The following RYR2 variants were observed in gnomAD, a reference collection of about 807,000 sequenced individuals.
RYR2 encodes the protein cardiac muscle ryanodine receptor-calcium release channel.
A neutral mutation model predicts 601.1 loss-of-function variants in RYR2; 227 were observed. That is an observed-to-expected ratio of 0.38 (90% confidence interval 0.34 to 0.42). The LOEUF is 0.42. Ranked by LOEUF, RYR2 falls within the 10% of genes least tolerant of loss-of-function variation. RYR2 has a pLI of 1.00. For synonymous variants in RYR2, 2,223 were observed against 2,175.1 expected (o/e 1.02, Z -0.61); for missense variants, 4,646 against 6,156.5 (o/e 0.75, Z 8.21).
At chr1:237,475,292 T>G (rs1371758182) in intron 17 of RYR2, among the ~76,000 whole-genome samples, 2 of 152,200 alleles carry the variant, frequency 1.3e-5, no homozygotes, top group Non-Finnish European at 2.9e-5. Context: ...TGAATGGAAA[T>G]TAAAATATGT....
intron 100 of RYR2, among the ~76,000 whole-genome samples, chr1:237,818,466 C>T (rs1328349354): frequency 2.6e-5 from 4 of 151,960 alleles, no homozygotes; most frequent in African/African-American, 7.3e-5. Flanking sequence ...GTGGCTTTGA[C>T]GTTTTAGGGT....
At chr1:237,423,768 G>A (rs1291728457) in intron 12 of RYR2, among the ~76,000 whole-genome samples, 2 of 152,034 alleles carry the variant, frequency 1.3e-5, no homozygotes, top group Non-Finnish European at 2.9e-5. Flanking sequence ...TCTTATATGC[G>A]GACCTTCATC....
intron 1 of RYR2, among the ~76,000 whole-genome samples, chr1:237,251,495 T>A (rs1382888814): frequency 6.6e-6 from 1 of 152,206 alleles, no homozygotes; most frequent in African/African-American, 2.4e-5. Context: ...GGTTGGCCCC[T>A]GACTTTCTTT....
chr1:237,747,557 A>G (rs912851216), intron 80 of RYR2, among the ~76,000 whole-genome samples: 1 of 152,160 alleles, frequency 6.6e-6, no homozygotes, highest in Non-Finnish European at 1.5e-5. Context: ...CACTACCCCA[A>G]TGATGAAAAG....
intron 1 of RYR2, among the ~76,000 whole-genome samples, chr1:237,087,202 A>C (rs1666438520): frequency 6.6e-6 from 1 of 152,114 alleles, no homozygotes; most frequent in Non-Finnish European, 1.5e-5. Context: ...TCCAGATGGC[A>C]CCTGAACCAG....
intron 10 of RYR2, among the ~76,000 whole-genome samples, chr1:237,408,370 G>A (rs567770544): frequency 4.4e-5 from 5 of 113,666 alleles, no homozygotes; most frequent in Middle Eastern, 3.8e-3. Flanking sequence ...TTTATGAAGG[G>A]CGTGGTCTGT....
intron 62 of RYR2, among the ~76,000 whole-genome samples, chr1:237,685,564 G>A (rs1686311052): frequency 1.3e-5 from 2 of 152,174 alleles, no homozygotes; most frequent in Non-Finnish European, 2.9e-5. Context: ...GGATACTAGA[G>A]AGGAATAGGT....
chr1:237,603,230 G>A (rs1016740550), intron 35 of RYR2, among the ~76,000 whole-genome samples: 5 of 152,158 alleles, frequency 3.3e-5, no homozygotes, highest in African/African-American at 7.2e-5. Context: ...CCAAGGGAAC[G>A]GGCTTGGTGG....
intron 1 of RYR2, among the ~76,000 whole-genome samples, chr1:237,053,899 A>G (rs1315034468): frequency 6.6e-6 from 1 of 152,204 alleles, no homozygotes; most frequent in Non-Finnish European, 1.5e-5. Flanking sequence ...AAGGATCTTC[A>G]GGGATCAGGG....
intron 1 of RYR2, among the ~76,000 whole-genome samples, chr1:237,198,488 T>C (rs1279943722): frequency 6.6e-6 from 1 of 151,612 alleles, no homozygotes; most frequent in Non-Finnish European, 1.5e-5. Context: ...TTTGAATTCC[T>C]TATCGTATGC....
At chr1:237,532,490 A>G (rs1373076167) in intron 25 of RYR2, among the ~76,000 whole-genome samples, 4 of 152,058 alleles carry the variant, frequency 2.6e-5, no homozygotes, top group Admixed American at 1.3e-4. Flanking sequence ...CTAACTTCCA[A>G]AAGAATTCAT....
intron 51 of RYR2, among the ~76,000 whole-genome samples, chr1:237,652,411 A>G (rs920273431): frequency 6.6e-6 from 1 of 152,138 alleles, no homozygotes; most frequent in African/African-American, 2.4e-5. Context: ...TCAAAGTTAT[A>G]TAGTAATGTG....
At chr1:237,151,687 T>A (rs534618978) in intron 1 of RYR2, among the ~76,000 whole-genome samples, 133 of 152,306 alleles carry the variant, frequency 8.7e-4, no homozygotes, top group Non-Finnish European at 1.5e-3. Context: ...TTGTTGTGTG[T>A]AATGATGCAG....
chr1:237,135,732 T>C (rs1672705316), intron 1 of RYR2, among the ~76,000 whole-genome samples: 1 of 152,200 alleles, frequency 6.6e-6, no homozygotes, highest in Admixed American at 6.5e-5. Context: ...TGTAGCTTAT[T>C]GAAGGTCTGT....
chr1:237,803,425 T>C (rs536404696), intron 98 of RYR2, among the ~76,000 whole-genome samples: 63 of 152,162 alleles, frequency 4.1e-4, no homozygotes, highest in African/African-American at 5.8e-4. Flanking sequence ...CTCAGCCTCC[T>C]GAGTAGCTGG....
chr1:237,213,280 T>G (rs1487439509), intron 1 of RYR2, among the ~76,000 whole-genome samples: 1 of 151,866 alleles, frequency 6.6e-6, no homozygotes, highest in Non-Finnish European at 1.5e-5. Context: ...TGGGCTCAAG[T>G]GATCCTCCTG....
Position 237,760,998 on chromosome 1 carries a change from G to C in RYR2, c.11446G>C (p.Gly3816Arg). Residue 3816 changes from glycine to arginine, a missense_variant, in exon 84 of 105, where the codon GGT (glycine) becomes CGT (arginine). Around this residue, in one of 17 missense-constraint regions of RYR2, gnomAD observed 1,497 missense variants for 1,842.6 expected, o/e 0.81. Transcript: ENST00000366574. ...ATTTGAGCGACAAAACAAAGCTGAA[G>C]GTCTTGGGATGGTGACAGAGGAAGG... is the stretch of plus-strand genomic sequence containing the variant. Reference protein sequence around the residue: ...NAFERQNKAEGLGMVTEEGSG... With the variant: ...NAFERQNKAERLGMVTEEGSG... 1 of 1,580,294 alleles carries C rather than the reference G, an allele frequency of 6.3e-7. No individual in the cohort carries two copies. Among genetic ancestry groups the C allele is most frequent in the South Asian group, 1.2e-5 (1 of 86,068 alleles).
intron 17 of RYR2, among the ~76,000 whole-genome samples, chr1:237,482,581 A>C (rs965187444): frequency 1.3e-5 from 2 of 151,788 alleles, no homozygotes; most frequent in Admixed American, 6.6e-5. Context: ...GTATATACTG[A>C]TTTTCTTTAT....
chr1:237,086,460 T>C (rs147372330), intron 1 of RYR2, among the ~76,000 whole-genome samples: 324 of 152,306 alleles, frequency 2.1e-3, no homozygotes, highest in African/African-American at 7.0e-3. Context: ...GGGACACAAT[T>C]CAGTCCTTAA....
Sources: allele counts gnomAD v4.1 joint callset (sites outside exome capture counted in the v4.1 genomes callset), GRCh38; gene constraint gnomAD v4.1.1; regional missense constraint gnomAD v4.1.1; transcripts MANE v1.5; gene names NCBI Gene and HGNC (gene_info 2026-07-23, HGNC 2026-07-21).